The following DSCAM variants were observed in gnomAD, a reference collection of about 807,000 sequenced individuals.
DSCAM encodes the protein cell adhesion molecule DSCAM.
A neutral mutation model predicts 217.7 loss-of-function variants in DSCAM; 47 were observed. The ratio of observed to expected loss-of-function variants is 0.22; its 90% CI spans 0.17 to 0.28. The LOEUF (loss-of-function observed/expected upper bound fraction) is 0.28, where lower values mean the gene tolerates loss of function less well. DSCAM is among the 10% of genes least tolerant of loss of function. DSCAM has a pLI of 1.00. For missense variants in DSCAM, 2,080 were observed against 2,618.3 expected, an observed-to-expected ratio of 0.79 and a Z score of 4.49; for synonymous variants, 1,056 against 1,015.3, an observed-to-expected ratio of 1.04 and a Z score of -0.76.
intron 3 of DSCAM, among the ~76,000 whole-genome samples, chr21:40,419,132 G>A (rs1267267900): frequency 7.8e-5 from 9 of 114,738 alleles, no homozygotes; most frequent in African/African-American, 2.8e-4. Context: ...CACCATACCC[G>A]GCTAGCTTTT....
intron 11 of DSCAM, among the ~76,000 whole-genome samples, chr21:40,195,150 A>C (rs1266448352): frequency 6.6e-6 from 1 of 152,228 alleles, no homozygotes; most frequent in African/African-American, 2.4e-5. Context: ...TCAGTGATAA[A>C]TTGATGAATA....
intron 1 of DSCAM, among the ~76,000 whole-genome samples, chr21:40,842,397 T>C (rs575332043): frequency 2.1e-4 from 32 of 152,368 alleles, no homozygotes; most frequent in African/African-American, 7.5e-4. Flanking sequence ...ATACATTCTT[T>C]TTCACTACCT....
chr21:40,138,057 A>C (rs2090234544), intron 18 of DSCAM, among the ~76,000 whole-genome samples: 1 of 152,214 alleles, frequency 6.6e-6, no homozygotes. Flanking sequence ...ATGAAAAAAA[A>C]ATCAGAAAAT....
rs1453810717 is a variant in DSCAM at position 40,734,821 on chromosome 21, G to A, written c.44-26050C>T. Among the ~76,000 whole-genome samples the A allele has an allele frequency of 3.3e-5, 5 of 152,044 alleles. No individual in the cohort carries two copies. The South Asian group carries it at 6.2e-4, about 19-fold the overall frequency. On this transcript the variant is annotated intron_variant, in intron 1 of 32. Transcript: ENST00000400454. Reference sequence around the variant, plus strand: ...GGTTGTTTTCCTGCTTGTTTAATACGTGCAGTCTCTACCGTCCCTCAGCTT... The same window carrying A: ...GGTTGTTTTCCTGCTTGTTTAATACATGCAGTCTCTACCGTCCCTCAGCTT...
intron 1 of DSCAM, among the ~76,000 whole-genome samples, chr21:40,844,370 T>G (rs1006432216): frequency 6.6e-6 from 1 of 152,204 alleles, no homozygotes; most frequent in Non-Finnish European, 1.5e-5. Context: ...TTTAATGTTT[T>G]CATCCTTGAT....
At chr21:40,780,564 C>A (rs4491805) in intron 1 of DSCAM, among the ~76,000 whole-genome samples, 1 of 151,246 alleles carries the variant, frequency 6.6e-6, no homozygotes, top group Admixed American at 6.6e-5. Context: ...AATTTCTAAT[C>A]CCCAGTTGCT....
chr21:40,059,687 A>G (rs1022985788), intron 28 of DSCAM, among the ~76,000 whole-genome samples: 2 of 152,210 alleles, frequency 1.3e-5, no homozygotes, highest in African/African-American at 2.4e-5. Context: ...ACAATGTTGA[A>G]TTTTTTATTT....
intron 20 of DSCAM, among the ~76,000 whole-genome samples, chr21:40,110,038 A>C (rs1333796536): frequency 6.6e-6 from 1 of 152,178 alleles, no homozygotes; most frequent in Non-Finnish European, 1.5e-5. Flanking sequence ...GAACACTTAA[A>C]TGTCACTGTC....
chr21:40,299,477 C>A (rs1284981693), intron 9 of DSCAM, among the ~76,000 whole-genome samples: 1 of 152,112 alleles, frequency 6.6e-6, no homozygotes, highest in Admixed American at 6.5e-5. Context: ...GATCTGACAC[C>A]TTAAGAATAT....
At chr21:40,411,183 C>A (rs959590762) in intron 3 of DSCAM, among the ~76,000 whole-genome samples, 1 of 128,108 alleles carries the variant, frequency 7.8e-6, no homozygotes, top group South Asian at 2.5e-4. Flanking sequence ...TATACACACA[C>A]ACACACACAC....
At chr21:40,395,437 T>C (rs1413028345) in intron 3 of DSCAM, among the ~76,000 whole-genome samples, 1 of 152,118 alleles carries the variant, frequency 6.6e-6, no homozygotes, top group Non-Finnish European at 1.5e-5. Context: ...AACATTTTCC[T>C]ATATTTTAGG....
intron 11 of DSCAM, among the ~76,000 whole-genome samples, chr21:40,266,793 TATATATACACAC>T (rs1257435210): frequency 4.4e-5 from 6 of 136,284 alleles, no homozygotes; most frequent in Middle Eastern, 3.6e-3. Context: ...TATATATATA[TATATATACACAC>T]ACACACACCC....
At chr21:40,723,208 A>G (rs1026218032) in intron 1 of DSCAM, among the ~76,000 whole-genome samples, 2 of 151,932 alleles carry the variant, frequency 1.3e-5, no homozygotes, top group Non-Finnish European at 2.9e-5. Flanking sequence ...AAAAAATCCA[A>G]TGTCATCTCA....
intron 3 of DSCAM, among the ~76,000 whole-genome samples, chr21:40,432,976 GT>G (rs1032675405): frequency 7.9e-5 from 12 of 152,142 alleles, no homozygotes; most frequent in African/African-American, 2.9e-4. Context: ...CAACATTTCT[GT>G]TGTAACCATT....
chr21:40,127,672 A>G (rs1222718044), intron 19 of DSCAM, among the ~76,000 whole-genome samples: 1 of 152,108 alleles, frequency 6.6e-6, no homozygotes, highest in Non-Finnish European at 1.5e-5. Flanking sequence ...AACAGCACTC[A>G]CCATCTTCTA....
At chr21:40,381,863 T>C (rs1345356922) in intron 3 of DSCAM, among the ~76,000 whole-genome samples, 1 of 152,234 alleles carries the variant, frequency 6.6e-6, no homozygotes, top group Non-Finnish European at 1.5e-5. Flanking sequence ...AATGTATCAG[T>C]GTGTATCAAA....
intron 9 of DSCAM, among the ~76,000 whole-genome samples, chr21:40,307,644 T>C (rs912072030): frequency 1.3e-5 from 2 of 152,146 alleles, no homozygotes; most frequent in African/African-American, 4.8e-5. Flanking sequence ...GTATGTTTAT[T>C]GAGGCACTAT....
At chr21:40,793,680 G>A (rs1197711398) in intron 1 of DSCAM, among the ~76,000 whole-genome samples, 1 of 152,006 alleles carries the variant, frequency 6.6e-6, no homozygotes, top group South Asian at 2.1e-4. Flanking sequence ...TAGTAGAGAC[G>A]GGGTTCCACC....
intron 3 of DSCAM, among the ~76,000 whole-genome samples, chr21:40,580,508 T>C (rs1211110440): frequency 6.6e-6 from 1 of 151,514 alleles, no homozygotes; most frequent in African/African-American, 2.4e-5. Context: ...ACTACAGCTA[T>C]AGCTTGGGTG....
Sources: allele counts gnomAD v4.1 joint callset (sites outside exome capture counted in the v4.1 genomes callset), GRCh38; gene constraint gnomAD v4.1.1; transcripts MANE v1.5; gene names NCBI Gene and HGNC (gene_info 2026-07-23, HGNC 2026-07-21).